The following POTEC variants were observed in gnomAD, a reference collection of about 807,000 sequenced individuals.
POTEC encodes the protein POTE ankyrin domain family member C, also known as ANKRD26-like family B member 2.
A neutral mutation model predicts 62.0 loss-of-function variants in POTEC; 35 were observed. The ratio of observed to expected loss-of-function variants is 0.56; its 90% CI spans 0.43 to 0.75. The LOEUF is 0.75. Among genes scored for constraint, POTEC ranks in the 30% least tolerant of loss-of-function variants. The pLI, the probability that POTEC is intolerant of heterozygous loss-of-function variation, is 0.00. For synonymous variants in POTEC, 156 were observed against 221.5 expected, an observed-to-expected ratio of 0.70 and a Z score of 2.62; for missense variants, 472 against 655.9, an observed-to-expected ratio of 0.72 and a Z score of 3.06.
intron 1 of POTEC, among the ~76,000 whole-genome samples, chr18:14,541,033 G>T (rs1334319518): frequency 6.6e-6 from 1 of 152,088 alleles, no homozygotes; most frequent in Non-Finnish European, 1.5e-5. Context: ...TAAGATTACA[G>T]GTGCATGCCA....
chr18:14,522,741 G>C (rs1260861557), intron 8 of POTEC, among the ~76,000 whole-genome samples: 1 of 151,524 alleles, frequency 6.6e-6, no homozygotes, highest in Non-Finnish European at 1.5e-5. Flanking sequence ...TCTTATATAT[G>C]AATTTACCCC....
chr18:14,543,215 T>C lies in POTEC; in HGVS notation c.-69A>G, dbSNP rs1439384784. 34 of 1,599,610 alleles carry C rather than the reference T, an allele frequency of 2.1e-5. No homozygotes were observed. The highest frequency in any genetic ancestry group is 2.6e-5 in the Non-Finnish European group (31 of 1,171,060). The stretch of plus-strand genomic sequence containing the variant: ...GCGTCTACCAACCAGTTTCACCAAC[T>C]AGCAGGAAACCCTGGGTTTCCAATC... On this transcript the variant is annotated 5_prime_UTR_variant, in exon 1 of 11. Transcript: ENST00000358970.
chr18:14,529,592 T>C (rs1445292060), intron 6 of POTEC, among the ~76,000 whole-genome samples: 1 of 152,222 alleles, frequency 6.6e-6, no homozygotes, highest in Non-Finnish European at 1.5e-5. Flanking sequence ...TTTTTGTTAA[T>C]GTGAAACATT....
chr18:14,518,983 A>T (rs531757150), intron 9 of POTEC, among the ~76,000 whole-genome samples: 1 of 152,334 alleles, frequency 6.6e-6, no homozygotes, highest in Admixed American at 6.5e-5. Flanking sequence ...TTAAGAATTG[A>T]TGAAAAGGGA....
rs540961569 is a variant in POTEC, at chr18:14,508,971, T to G, written c.*2927A>C. ...GTGTAAGGTGGATTCAGCCAACAGG[T>G]TTTGTTTTTGGAGGATTTTAAGGGG... On this transcript the variant is annotated 3_prime_UTR_variant, in exon 11 of 11. Coordinates refer to ENST00000358970, the MANE Select transcript of POTEC (RefSeq NM_001137671.2). 1 of 152,138 alleles carries G rather than the reference T, an allele frequency of 6.6e-6. No individual in the cohort carries two copies. Among genetic ancestry groups the G allele is most frequent in the African/African-American group, 2.4e-5 (1 of 41,494 alleles). The allele number at this position is 152,138 out of a possible 1,614,324, so 9.4% of individuals were successfully genotyped here. A position where few individuals can be genotyped will look rare whatever the true frequency, so the allele number is the denominator to read the frequency against.
At chr18:14,530,280 G>C (rs1166032682) in intron 6 of POTEC, among the ~76,000 whole-genome samples, 1 of 151,986 alleles carries the variant, frequency 6.6e-6, no homozygotes, top group Non-Finnish European at 1.5e-5. Context: ...CTACATTATA[G>C]TAAGTTGTAT....
chr18:14,527,494 C>G lies in POTEC; in HGVS notation c.1127-2511G>C, dbSNP rs538375571. Among the ~76,000 whole-genome samples the G allele has an allele frequency of 2.7e-3, 409 of 152,178 alleles. 1 individual carries two copies. The highest frequency in any genetic ancestry group is 4.5e-3 in the Non-Finnish European group (307 of 68,014). On this transcript the variant is annotated intron_variant, in intron 6 of 10. Coordinates refer to ENST00000358970, the MANE Select transcript of POTEC (RefSeq NM_001137671.2). Reference sequence around the variant, plus strand: ...TCTTTTCTGGAAGCTGTGACTCACACAGGTCATGGAGAAAATTTCCTACTC... The same window carrying G: ...TCTTTTCTGGAAGCTGTGACTCACAGAGGTCATGGAGAAAATTTCCTACTC...
chr18:14,521,070 A>T (rs1910295070), intron 9 of POTEC, among the ~76,000 whole-genome samples: 1 of 152,196 alleles, frequency 6.6e-6, no homozygotes, highest in Non-Finnish European at 1.5e-5. Context: ...GATGAAAGAT[A>T]CTTTGATATA....
chr18:14,513,489 T>C (rs1598475804), intron 10 of POTEC, among the ~76,000 whole-genome samples, 173 bp downstream of exon 10: 1 of 152,042 alleles, frequency 6.6e-6, no homozygotes, highest in East Asian at 1.9e-4. Context: ...TATATGTACA[T>C]ATATAGATAT....
chr18:14,524,743 G>A (rs1010699320), intron 7 of POTEC, among the ~76,000 whole-genome samples, 170 bp downstream of exon 7: 3 of 151,804 alleles, frequency 2.0e-5, no homozygotes, highest in Non-Finnish European at 4.4e-5. Context: ...TAATGAGATT[G>A]CTGAATTTAT....
At position 14,510,901 on chromosome 18, in the gene POTEC, C is replaced by T. The variant is rs1354846009; in HGVS notation, c.*997G>A. 1.3e-5 allele frequency: 2 copies of T among 152,282 alleles called. No individual in the cohort carries two copies. Among genetic ancestry groups the T allele is most frequent in the African/African-American group, 4.8e-5 (2 of 41,444 alleles). 9.4% of individuals were successfully genotyped at this position (152,282 alleles called of 1,614,324 possible). Reference sequence around the variant, plus strand: ...GACAGTCTGGTCCTCCCCCTGGGAGCTCTGACTCAGGAGGCCTGAAACCTC... The same window carrying T: ...GACAGTCTGGTCCTCCCCCTGGGAGTTCTGACTCAGGAGGCCTGAAACCTC... On this transcript the variant is annotated 3_prime_UTR_variant, in exon 11 of 11. Coordinates refer to ENST00000358970, the MANE Select transcript of POTEC (RefSeq NM_001137671.2).
chr18:14,542,527 C>G lies in POTEC; in HGVS notation c.521+99G>C, dbSNP rs1408963241. On this transcript the variant is annotated intron_variant, in intron 1 of 10. Transcript: ENST00000358970. ...CACACCCAGGGTGGTGTGGGGCCTG[C>G]GGAGGAAGAGAAAGCCTGGCTCCTC... 18 of 1,564,014 alleles carry G rather than the reference C, an allele frequency of 1.2e-5. No homozygotes were observed. The South Asian group carries it at 2.0e-4, about 18-fold the overall frequency.
chr18:14,542,932 C>T lies in POTEC; in HGVS notation c.215G>A (p.Cys72Tyr), dbSNP rs45554841. ...GKCCHHCFPC[C>Y]RGSGTSNVGT... is the part of the protein sequence containing the mutation. ...CACGTTGCTCGTGCCGCTCCCCCTG[C>T]AGCAGGGGAAGCAGTGGTGGCAACA... The change falls in exon 1 of 11, where the codon TGC (cysteine) becomes TAC (tyrosine). Residue 72 changes from cysteine (C) to tyrosine (Y), a missense_variant. Coordinates refer to ENST00000358970, the MANE Select transcript of POTEC (RefSeq NM_001137671.2). 0.17 allele frequency: 271,813 copies of T among 1,603,858 alleles called. 27,266 individuals are homozygous for T. The highest frequency in any genetic ancestry group is 0.48 in the East Asian group (21,228 of 44,600).
In POTEC at chr18:14,543,130, C is replaced by T. The variant is rs1292513665; in HGVS notation, c.17G>A (p.Cys6Tyr). 1 of 1,613,932 alleles carries T rather than the reference C, an allele frequency of 6.2e-7. No individual in the cohort carries two copies. The highest frequency in any genetic ancestry group is 8.5e-7 in the Non-Finnish European group (1 of 1,179,870). Residue 6 changes from cysteine (C) to tyrosine (Y), a missense_variant, in exon 1 of 11, where the codon TGT (cysteine) becomes TAT (tyrosine). By Grantham distance (194) the Cys-to-Tyr change is radical. This residue lies in a region of POTEC where 257 missense variants were observed against 250.7 expected (regional missense o/e 1.03). Coordinates refer to ENST00000358970, the MANE Select transcript of POTEC (RefSeq NM_001137671.2). ...CACAGCAGAGGCAGCGGGCATTGAA[C>T]AAACCTCAGTCACCATCTGCTTTTA... Reference protein sequence around the residue: MVTEVCSMPAASAVKK... With the variant: MVTEVYSMPAASAVKK...
intron 9 of POTEC, among the ~76,000 whole-genome samples, chr18:14,516,882 C>T (rs1458631602): frequency 6.6e-6 from 1 of 151,274 alleles, no homozygotes; most frequent in Non-Finnish European, 1.5e-5. Flanking sequence ...AGAATATCAC[C>T]GTTATTGTAC....
rs1910172473 is a variant in POTEC, at chr18:14,516,729, T to C, written c.1410-2944A>G. ...ATTATTTATATTTCAAAGATAGCAA[T>C]TTTTATTAGTAATGATTTTGTTTGA... On this transcript the variant is annotated intron_variant, in intron 9 of 10. Coordinates refer to ENST00000358970, the MANE Select transcript of POTEC (RefSeq NM_001137671.2). Among the ~76,000 whole-genome samples the C allele has an allele frequency of 4.6e-5, 7 of 151,484 alleles. 1 individual carries two copies. Among genetic ancestry groups the C allele is most frequent in the African/African-American group, 1.7e-4 (7 of 41,190 alleles).
In POTEC at chr18:14,508,447, CCTG is replaced by C. The variant is rs1909903389; in HGVS notation, c.*3448_*3450del. 6.6e-6 allele frequency: 1 copy of C among 152,662 alleles called. No homozygotes were observed. Among genetic ancestry groups the C allele is most frequent in the Non-Finnish European group, 1.5e-5 (1 of 68,088 alleles). 9.5% of individuals were successfully genotyped at this position (152,662 alleles called of 1,614,324 possible). ...CTCCCAGGACCCCAGCCTGGCCACA[CCTG>C]CTTACAGGGCACTCTCAGGTGCCCA... On this transcript the variant is annotated 3_prime_UTR_variant, in exon 11 of 11. Transcript: ENST00000358970.
intron 9 of POTEC, among the ~76,000 whole-genome samples, chr18:14,516,335 T>TATATATATATATATATAC (rs1308067956): frequency 2.9e-5 from 2 of 69,948 alleles, no homozygotes; most frequent in Non-Finnish European, 5.3e-5. Context: ...TATATATATA[T>TATATATATATATATATAC]ACCTATACCT....
At chr18:14,542,390 A>G (rs2143174974) in intron 1 of POTEC, among the ~76,000 whole-genome samples, 1 of 152,308 alleles carries the variant, frequency 6.6e-6, no homozygotes, top group Non-Finnish European at 1.5e-5. Flanking sequence ...AATCACTTTA[A>G]AACCGTCTAT....
Sources: gnomAD v4.1 joint callset for allele counts (sites outside exome capture counted in the v4.1 genomes callset) on GRCh38, gnomAD v4.1.1 for gene constraint, gnomAD v4.1.1 regional missense constraint, MANE v1.5 for transcripts, NCBI Gene and HGNC (gene_info 2026-07-23, HGNC 2026-07-21) for gene names.